The following CACNA1E variants were observed in gnomAD, a reference collection of about 807,000 sequenced individuals.
The protein encoded by CACNA1E is calcium voltage-gated channel subunit alpha1 E, also known as voltage-dependent R-type calcium channel subunit alpha-1E.
A neutral mutation model predicts 259.2 loss-of-function variants in CACNA1E; 40 were observed. That is an observed-to-expected ratio of 0.15 (90% CI 0.12 to 0.20). CACNA1E has a LOEUF of 0.20. Among genes scored for constraint, CACNA1E ranks in the 10% least tolerant of loss-of-function variants. CACNA1E has a pLI of 1.00. For synonymous variants in CACNA1E, 1,104 were observed against 1,138.5 expected, an observed-to-expected ratio of 0.97 and a Z score of 0.61; for missense variants, 1,874 against 3,040.1, an observed-to-expected ratio of 0.62 and a Z score of 9.02.
In CACNA1E at chr1:181,363,245, T is replaced by A. The variant is rs549130208; in HGVS notation, c.-15+45122T>A. 2.0e-5 allele frequency among the ~76,000 whole-genome samples: 3 copies of A among 152,244 alleles called. No individual in the cohort carries two copies. The East Asian group carries it at 5.8e-4, about 29-fold the overall frequency. On this transcript the variant is annotated intron_variant, in intron 1 of 11. Transcript: ENST00000524607. Reference sequence around the variant, plus strand: ...TGAGAAGTAGATATGGGAAAACTATTACACAAACCAAAAACCAGAAACAAA... The same window carrying A: ...TGAGAAGTAGATATGGGAAAACTATAACACAAACCAAAAACCAGAAACAAA...
intron 25 of CACNA1E, among the ~76,000 whole-genome samples, 180 bp downstream of exon 25, chr1:181,739,433 G>A (rs943027056): frequency 1.2e-4 from 18 of 152,274 alleles, no homozygotes; most frequent in South Asian, 8.3e-4. Context: ...TCCAGCTCAC[G>A]TGACCTGAGT....
intron 2 of CACNA1E, among the ~76,000 whole-genome samples, chr1:181,443,680 C>T (rs1660638465): frequency 6.6e-6 from 1 of 152,172 alleles, no homozygotes; most frequent in Non-Finnish European, 1.5e-5. Flanking sequence ...GGCTTCTTAT[C>T]CCTGTTTTAC....
Position 181,718,038 on chromosome 1 carries a change from A to T in CACNA1E, c.1526-17A>T. On this transcript the variant is annotated splice_polypyrimidine_tract_variant and intron_variant, in intron 11 of 47. Coordinates refer to ENST00000367573, the MANE Select transcript of CACNA1E (RefSeq NM_001205293.3). ...ACCCCACATGTGGAACCAATGCTCT[A>T]CTTTTAATACTTCCAGACTATGCAG... 1.5e-6 allele frequency: 2 copies of T among 1,306,438 alleles called. No individual in the cohort carries two copies. The highest frequency in any genetic ancestry group is 2.2e-6 in the Non-Finnish European group (2 of 902,906). The allele number at this position is 1,306,438 out of a possible 1,614,324, so 80.9% of individuals were successfully genotyped here.
At position 181,785,882 on chromosome 1, in the gene CACNA1E, A is replaced by G. The variant is rs1660810497; in HGVS notation, c.5786+63A>G. ...CAATCTGTCACCCATGCTGTTGTGC[A>G]GACCCCAAAACTCACTGCTCAGAAG... On this transcript the variant is annotated intron_variant, in intron 43 of 47. Transcript: ENST00000367573. The G allele has an allele frequency of 4.6e-6, 5 of 1,077,996 alleles. No individual in the cohort carries two copies. The East Asian group carries it at 1.2e-4, about 26-fold the overall frequency. 66.8% of individuals were successfully genotyped at this position (1,077,996 alleles called of 1,614,324 possible). A position where few individuals can be genotyped will look rare whatever the true frequency, so the allele number is the denominator to read the frequency against.
At chr1:181,703,700 G>T (rs1652504220) in intron 7 of CACNA1E, among the ~76,000 whole-genome samples, 1 of 152,180 alleles carries the variant, frequency 6.6e-6, no homozygotes, top group Non-Finnish European at 1.5e-5. Flanking sequence ...CTGTGGAATA[G>T]CACTGGCTTT....
Position 181,664,735 on chromosome 1 carries a change from G to A in CACNA1E, c.1055+13294G>A, listed in dbSNP as rs187869508. 2.9e-3 allele frequency among the ~76,000 whole-genome samples: 434 copies of A among 152,178 alleles called. 2 individuals are homozygous for A. Among genetic ancestry groups the A allele is most frequent in the Non-Finnish European group, 4.9e-3 (333 of 68,012 alleles). ...GCTCAGCCAAGGTGAGAGCATCCTT[G>A]GCTGCAGAGGTATGGCGGGGGTGGA... On this transcript the variant is annotated intron_variant, in intron 7 of 47. Transcript: ENST00000367573.
At chr1:181,766,486 GT>G in intron 34 of CACNA1E, 59 bp from the exon 35 acceptor site, 1 of 1,245,608 alleles carries the variant, frequency 8.0e-7, no homozygotes, top group Non-Finnish European at 1.2e-6. Context: ...GTGACTGCAG[GT>G]TGTTGAGCTT....
At chr1:181,779,899 A>G (rs1429286084) in intron 38 of CACNA1E, among the ~76,000 whole-genome samples, 2 of 151,880 alleles carry the variant, frequency 1.3e-5, no homozygotes, top group East Asian at 1.9e-4. Context: ...TCCTTTCTCT[A>G]TAGAATGCAG....
chr1:181,542,346 C>A (rs1668646277), intron 3 of CACNA1E, among the ~76,000 whole-genome samples: 1 of 152,128 alleles, frequency 6.6e-6, no homozygotes, highest in African/African-American at 2.4e-5. Flanking sequence ...TTGTAAAGAA[C>A]TAGTTTAAAG....
rs185697266 is a variant in CACNA1E at position 181,364,970 on chromosome 1, C to G, written c.-15+46847C>G. 2.6e-3 allele frequency among the ~76,000 whole-genome samples: 391 copies of G among 152,268 alleles called. 2 individuals carry two copies. The highest frequency in any genetic ancestry group is 9.7e-3 in the South Asian group (47 of 4,822). On this transcript the variant is annotated intron_variant, in intron 1 of 11. Coordinates refer to the CACNA1E transcript ENST00000524607. Reference sequence around the variant, plus strand: ...TTCCTGGCCTTTCCTCTGTACAAGCCTTTGGAAGCGTTCGTTAGCCAAGCC... The same window carrying G: ...TTCCTGGCCTTTCCTCTGTACAAGCGTTTGGAAGCGTTCGTTAGCCAAGCC...
intron 44 of CACNA1E, among the ~76,000 whole-genome samples, chr1:181,791,841 C>T (rs77910927): frequency 2.1e-3 from 316 of 152,322 alleles, no homozygotes; most frequent in African/African-American, 7.2e-3. Flanking sequence ...CTACTGTGTA[C>T]CTCAGAGCCA....
intron 7 of CACNA1E, among the ~76,000 whole-genome samples, chr1:181,681,971 A>G (rs1030161199): frequency 2.0e-5 from 3 of 152,218 alleles, no homozygotes; most frequent in Admixed American, 6.5e-5. Flanking sequence ...CACACTTTCT[A>G]TAACTGTGAA....
intron 3 of CACNA1E, among the ~76,000 whole-genome samples, chr1:181,559,235 C>T (rs61814526): frequency 0.062 from 9,505 of 152,162 alleles, 458 homozygotes; most frequent in African/African-American, 0.13. Flanking sequence ...CTGACTTACA[C>T]CCTAGAAATT....
At chr1:181,794,545 G>C (rs1246645773) in intron 45 of CACNA1E, among the ~76,000 whole-genome samples, 2 of 152,188 alleles carry the variant, frequency 1.3e-5, no homozygotes, top group East Asian at 3.8e-4. Context: ...CTGCAGCCTG[G>C]CTGCGCCCCA....
intron 4 of CACNA1E, among the ~76,000 whole-genome samples, chr1:181,578,457 C>T (rs1651194817): frequency 6.6e-6 from 1 of 152,180 alleles, no homozygotes; most frequent in Admixed American, 6.5e-5. Flanking sequence ...GTCCCAGCTA[C>T]TCAGGAAGCT....
At chr1:181,645,385 A>C (rs1440855243) in intron 6 of CACNA1E, among the ~76,000 whole-genome samples, 3 of 152,074 alleles carry the variant, frequency 2.0e-5, no homozygotes, top group Non-Finnish European at 4.4e-5. Context: ...GGGCGCTGCT[A>C]CTGCAAGGTA....
Position 181,721,811 on chromosome 1 carries a change from G to C in CACNA1E, c.2010G>C (p.Gln670His). Residue 670 changes from glutamine (Q) to histidine (H), a missense_variant, in exon 16 of 48, where the codon CAG becomes CAC. Physicochemically the swap from Gln to His is conservative, Grantham distance 24. Around this residue, in one of 14 missense-constraint regions of CACNA1E, gnomAD observed 102 missense variants for 279.4 expected, o/e 0.37. Coordinates refer to ENST00000367573, the MANE Select transcript of CACNA1E (RefSeq NM_001205293.3). ...NEVMYNGIRSQGGVSSGMWSA... is the reference protein window; with the variant it reads ...NEVMYNGIRSHGGVSSGMWSA... ...TGATGTACAATGGGATCCGCTCCCA[G>C]GGTGGGGTCAGCTCAGGCATGTGGT... 6.2e-7 allele frequency: 1 copy of C among 1,613,790 alleles called. No homozygotes were observed. The highest frequency in any genetic ancestry group is 2.2e-5 in the East Asian group (1 of 44,876).
chr1:181,769,959 C>T lies in CACNA1E; in HGVS notation c.4882-1334C>T, dbSNP rs549433045. On this transcript the variant is annotated intron_variant, in intron 35 of 47. Coordinates refer to ENST00000367573, the MANE Select transcript of CACNA1E (RefSeq NM_001205293.3). ...TCTCTTTGGGGCCCTCTAGCTGCTT[C>T]TTCTCTTTCCATTCTTCTCTGCTGC... Among the ~76,000 whole-genome samples the T allele has an allele frequency of 7.2e-5, 11 of 152,268 alleles. No homozygotes were observed. In the South Asian group the frequency reaches 2.1e-3, roughly 29 times the overall value.
At chr1:181,699,764 G>A (rs933750836) in intron 7 of CACNA1E, among the ~76,000 whole-genome samples, 2 of 152,142 alleles carry the variant, frequency 1.3e-5, no homozygotes, top group Admixed American at 6.5e-5. Flanking sequence ...GGGTAAGACT[G>A]CCAGGAATTG....
Sources: allele counts gnomAD v4.1 joint callset (sites outside exome capture counted in the v4.1 genomes callset), GRCh38; gene constraint gnomAD v4.1.1; regional missense constraint gnomAD v4.1.1; transcripts MANE v1.5; gene names NCBI Gene and HGNC (gene_info 2026-07-23, HGNC 2026-07-21).